OPCML: variants seen among roughly 807,000 people sequenced by gnomAD.
OPCML encodes opioid-binding protein/cell adhesion molecule.
In OPCML, 13 loss-of-function variants were observed where a neutral mutation model predicts 37.8. That is an observed-to-expected ratio of 0.34 (90% CI 0.22 to 0.55). The LOEUF (loss-of-function observed/expected upper bound fraction) is 0.55. OPCML is among the 20% of genes least tolerant of loss of function. The probability of loss-of-function intolerance (pLI) is 0.91; values close to 1 mark genes in which losing one functional copy is unlikely to be tolerated. For missense variants in OPCML, 341 were observed against 435.6 expected, an observed-to-expected ratio of 0.78 and a Z score of 1.93; for synonymous variants, 176 against 168.8, an observed-to-expected ratio of 1.04 and a Z score of -0.33.
intron 2 of OPCML, among the ~76,000 whole-genome samples, chr11:132,932,268 G>T (rs961349326): frequency 1.3e-5 from 2 of 152,094 alleles, no homozygotes; most frequent in Non-Finnish European, 2.9e-5. Context: ...TGTACTTAAT[G>T]CCACCGAACT....
intron 1 of OPCML, among the ~76,000 whole-genome samples, chr11:133,010,168 G>A (rs1591907930): frequency 6.6e-6 from 1 of 152,316 alleles, no homozygotes; most frequent in Non-Finnish European, 1.5e-5. Flanking sequence ...CTCCACTTGG[G>A]AGTTGGCTTT....
At chr11:133,375,789 G>C (rs1345641926) in intron 1 of OPCML, among the ~76,000 whole-genome samples, 2 of 152,178 alleles carry the variant, frequency 1.3e-5, no homozygotes, top group Non-Finnish European at 2.9e-5. Flanking sequence ...AGACAGACCG[G>C]TGTCTGTGCG....
At chr11:132,523,634 G>T (rs2096300172) in intron 4 of OPCML, among the ~76,000 whole-genome samples, 1 of 152,114 alleles carries the variant, frequency 6.6e-6, no homozygotes, top group Admixed American at 6.5e-5. Flanking sequence ...AAAGACACAA[G>T]AATTTAAACA....
chr11:132,698,417 C>T (rs1249318316), intron 2 of OPCML, among the ~76,000 whole-genome samples: 2 of 152,036 alleles, frequency 1.3e-5, no homozygotes, highest in African/African-American at 4.8e-5. Context: ...TTTAAATATA[C>T]CTGTTGGTCA....
chr11:133,018,664 G>T (rs1416928650), intron 1 of OPCML, among the ~76,000 whole-genome samples: 2 of 152,240 alleles, frequency 1.3e-5, no homozygotes, highest in Non-Finnish European at 2.9e-5. Flanking sequence ...ACCAGCCCTT[G>T]AGAAGCCGTT....
chr11:132,958,993 T>C (rs1036293360), intron 1 of OPCML, among the ~76,000 whole-genome samples: 2 of 152,226 alleles, frequency 1.3e-5, no homozygotes, highest in African/African-American at 4.8e-5. Context: ...ATTCAAGAGA[T>C]ACATTTGTAA....
At chr11:132,428,471 G>C (rs1246471667) in intron 7 of OPCML, among the ~76,000 whole-genome samples, 1 of 152,154 alleles carries the variant, frequency 6.6e-6, no homozygotes, top group African/African-American at 2.4e-5. Flanking sequence ...TCTACCATGA[G>C]AGCCCAAAAG....
At chr11:133,338,716 C>G (rs1416712175) in intron 1 of OPCML, among the ~76,000 whole-genome samples, 2 of 152,214 alleles carry the variant, frequency 1.3e-5, no homozygotes, top group Non-Finnish European at 2.9e-5. Flanking sequence ...TGGAATTTCC[C>G]CAACCATCCC....
At chr11:132,871,689 C>G (rs574407402) in intron 2 of OPCML, among the ~76,000 whole-genome samples, 3 of 152,346 alleles carry the variant, frequency 2.0e-5, no homozygotes, top group African/African-American at 7.2e-5. Context: ...CTCTGTTCAT[C>G]TGCAACAGTG....
chr11:133,204,858 ATATATATGTG>A (rs1299165029), intron 1 of OPCML, among the ~76,000 whole-genome samples: 1 of 48,216 alleles, frequency 2.1e-5, no homozygotes, highest in African/African-American at 1.2e-4. Flanking sequence ...TATTATATAT[ATATATATGTG>A]TATATATATA....
chr11:132,485,192 T>C (rs1006125104), intron 4 of OPCML, among the ~76,000 whole-genome samples: 1 of 152,080 alleles, frequency 6.6e-6, no homozygotes, highest in Non-Finnish European at 1.5e-5. Flanking sequence ...TCATTCCAAA[T>C]GATGAAAGGG....
chr11:133,123,339 T>C (rs1308486830), intron 1 of OPCML, among the ~76,000 whole-genome samples: 2 of 152,190 alleles, frequency 1.3e-5, no homozygotes, highest in Admixed American at 6.5e-5. Context: ...GGTGAAGAAA[T>C]TCTCATGCTA....
At chr11:132,921,144 G>A (rs1944785468) in intron 2 of OPCML, among the ~76,000 whole-genome samples, 1 of 152,044 alleles carries the variant, frequency 6.6e-6, no homozygotes, top group Non-Finnish European at 1.5e-5. Flanking sequence ...ACTTCCTTTC[G>A]ACAGCCTGGA....
At chr11:132,861,618 C>T (rs12365978) in intron 2 of OPCML, among the ~76,000 whole-genome samples, 2 of 152,162 alleles carry the variant, frequency 1.3e-5, no homozygotes, top group African/African-American at 2.4e-5. Flanking sequence ...GGGTGAATCA[C>T]GAGGTCAGGA....
At chr11:133,498,393 A>G (rs140227790) in intron 1 of OPCML, among the ~76,000 whole-genome samples, 1 of 152,314 alleles carries the variant, frequency 6.6e-6, no homozygotes, top group Non-Finnish European at 1.5e-5. Context: ...GGAGACAGAG[A>G]GACTGAGGCA....
In OPCML at chr11:133,373,380, C is replaced by T. The variant is rs762173385; in HGVS notation, c.61+158884G>A. On this transcript the variant is annotated intron_variant, in intron 1 of 7. Coordinates refer to ENST00000524381, the MANE Select transcript of OPCML (RefSeq NM_001012393.5). ...GAGTTTGAGACCAGCCTGGGCAATG[C>T]GGTGAAACCCTGTCTCTACTAAAAA... is the stretch of plus-strand genomic sequence containing the variant. Among the ~76,000 whole-genome samples the T allele has an allele frequency of 6.8e-5, 10 of 147,098 alleles. No individual in the cohort carries two copies. The South Asian group carries it at 1.1e-3, about 16-fold the overall frequency.
chr11:132,859,831 C>T (rs1057355607), intron 2 of OPCML, among the ~76,000 whole-genome samples: 1 of 152,298 alleles, frequency 6.6e-6, no homozygotes, highest in Middle Eastern at 3.4e-3. Flanking sequence ...TTTGTAAACA[C>T]GCCTATTCAT....
At chr11:132,820,977 T>C (rs1018451740) in intron 2 of OPCML, among the ~76,000 whole-genome samples, 3 of 152,190 alleles carry the variant, frequency 2.0e-5, no homozygotes, top group Non-Finnish European at 4.4e-5. Flanking sequence ...AAAAGACTGC[T>C]CTTTTTCAAT....
intron 1 of OPCML, among the ~76,000 whole-genome samples, chr11:133,171,307 C>T (rs957881596): frequency 4.3e-4 from 66 of 152,284 alleles, no homozygotes; most frequent in Non-Finnish European, 9.6e-4. Flanking sequence ...CTCTTCTTGT[C>T]CACTTTTCCA....
Sources: gnomAD v4.1 joint callset for allele counts (sites outside exome capture counted in the v4.1 genomes callset) on GRCh38, gnomAD v4.1.1 for gene constraint, MANE v1.5 for transcripts, NCBI Gene and HGNC (gene_info 2026-07-23, HGNC 2026-07-21) for gene names.